NXN: variants seen among roughly 807,000 people sequenced by gnomAD.
NXN encodes the protein nucleoredoxin 1.
In NXN, 16 loss-of-function variants were observed where a neutral mutation model predicts 48.6. The observed-to-expected ratio is 0.33, with a 90% CI of 0.22 to 0.50. The LOEUF is 0.50. Ranked by LOEUF, NXN falls within the 20% of genes least tolerant of loss-of-function variation. NXN has a pLI of 0.98. For missense variants in NXN, 492 were observed against 605.5 expected (o/e 0.81, Z 1.97); for synonymous variants, 281 against 269.6 (o/e 1.04, Z -0.41).
intron 1 of NXN, among the ~76,000 whole-genome samples, chr17:848,145 G>GTTT (rs34184498): frequency 1.5e-4 from 23 of 148,466 alleles, no homozygotes; most frequent in African/African-American, 5.4e-4. Flanking sequence ...TTCCTGTTTT[G>GTTT]TTTTTTTTTT....
chr17:944,058 C>G (rs890951434), intron 1 of NXN, among the ~76,000 whole-genome samples: 2 of 151,604 alleles, frequency 1.3e-5, no homozygotes. Flanking sequence ...GCCAACATGA[C>G]GAAACCCCGT....
At chr17:924,208 A>G (rs924724872) in intron 1 of NXN, among the ~76,000 whole-genome samples, 1 of 149,562 alleles carries the variant, frequency 6.7e-6, no homozygotes, top group Non-Finnish European at 1.5e-5. Context: ...AAACCCGACT[A>G]ATTTTTTATT....
At position 820,744 on chromosome 17, in the gene NXN, A is replaced by C. The variant is rs1354082455; in HGVS notation, c.714-1199T>G. Among the ~76,000 whole-genome samples the C allele has an allele frequency of 3.2e-4, 23 of 71,200 alleles. 10 individuals are homozygous for C. The highest frequency in any genetic ancestry group is 1.8e-3 in the African/African-American group (21 of 11,376). 46.7% of individuals were successfully genotyped at this position (71,200 alleles called of 152,430 possible). Reference sequence around the variant, plus strand: ...TTCCAGACCAGCCTGGGCAACATGGAAAAACCGCATCTCTACTAAAAATAC... The same window carrying C: ...TTCCAGACCAGCCTGGGCAACATGGCAAAACCGCATCTCTACTAAAAATAC... On this transcript the variant is annotated intron_variant, in intron 4 of 7. Coordinates refer to ENST00000336868, the MANE Select transcript of NXN (RefSeq NM_022463.5).
intron 1 of NXN, among the ~76,000 whole-genome samples, chr17:973,671 AT>A (rs1332999740): frequency 6.6e-6 from 1 of 151,300 alleles, no homozygotes; most frequent in Non-Finnish European, 1.5e-5. Flanking sequence ...TTATGGGGCA[AT>A]TTTTTTTATT....
At chr17:812,448 C>A (rs1912120572) in intron 5 of NXN, among the ~76,000 whole-genome samples, 1 of 152,198 alleles carries the variant, frequency 6.6e-6, no homozygotes, top group Non-Finnish European at 1.5e-5. Flanking sequence ...TGAGATGGGA[C>A]TGAGACCCCA....
chr17:972,177 C>A (rs937126354), intron 1 of NXN, among the ~76,000 whole-genome samples: 2 of 152,120 alleles, frequency 1.3e-5, no homozygotes, highest in Non-Finnish European at 2.9e-5. Context: ...GCACATGCGC[C>A]TATAATCCCA....
chr17:829,280 C>T (rs1296602064), intron 1 of NXN, among the ~76,000 whole-genome samples: 1 of 151,698 alleles, frequency 6.6e-6, no homozygotes, highest in African/African-American at 2.4e-5. Flanking sequence ...CTCAGCCTCC[C>T]GAGTAGCTGG....
At chr17:826,903 A>G (rs907148489) in intron 1 of NXN, among the ~76,000 whole-genome samples, 2 of 152,236 alleles carry the variant, frequency 1.3e-5, no homozygotes, top group African/African-American at 4.8e-5. Flanking sequence ...CAAAATGTCA[A>G]TGCAAAGCCC....
chr17:948,658 C>T (rs1019871262), intron 1 of NXN, among the ~76,000 whole-genome samples: 3 of 152,010 alleles, frequency 2.0e-5, no homozygotes, highest in Non-Finnish European at 4.4e-5. Flanking sequence ...ACGGAACAAA[C>T]GCTTGAGGCA....
At chr17:848,312 G>T (rs1304742665) in intron 1 of NXN, among the ~76,000 whole-genome samples, 1 of 152,084 alleles carries the variant, frequency 6.6e-6, no homozygotes, top group Admixed American at 6.6e-5. Context: ...TAATTTCTTT[G>T]TATTTTTAGG....
At position 926,832 on chromosome 17, in the gene NXN, G is replaced by A. The variant is rs1241205530; in HGVS notation, c.360+52487C>T. On this transcript the variant is annotated intron_variant, in intron 1 of 7. Transcript: ENST00000336868. ...GCTGGGATTCCAGGCGTGAGCCAAC[G>A]TGTCTGGCCATCCCACACATCCCTG... 5.3e-5 allele frequency among the ~76,000 whole-genome samples: 8 copies of A among 152,058 alleles called. No homozygotes were observed. In the East Asian group the frequency reaches 5.8e-4, roughly 11 times the overall value.
intron 1 of NXN, among the ~76,000 whole-genome samples, chr17:937,559 A>G (rs1293640042): frequency 6.6e-6 from 1 of 152,164 alleles, no homozygotes; most frequent in Non-Finnish European, 1.5e-5. Flanking sequence ...CTCCGAGGCT[A>G]TTGCCGGTTC....
chr17:878,718 G>C (rs997368185), intron 1 of NXN, among the ~76,000 whole-genome samples: 1 of 152,108 alleles, frequency 6.6e-6, no homozygotes, highest in Non-Finnish European at 1.5e-5. Flanking sequence ...GCCCCAACCT[G>C]ATTGAACCCA....
intron 5 of NXN, among the ~76,000 whole-genome samples, chr17:810,131 T>G (rs1597615376): frequency 8.6e-6 from 1 of 116,166 alleles, no homozygotes; most frequent in African/African-American, 3.4e-5. Context: ...GTGAGTGGCG[T>G]GCACGTTACG....
intron 1 of NXN, among the ~76,000 whole-genome samples, chr17:873,493 C>CAAAAAAAAAAAAAAAAAAAAA (rs71145783): frequency 6.7e-5 from 5 of 74,996 alleles, no homozygotes; most frequent in African/African-American, 2.5e-4. Context: ...ACACTGTCTC[C>CAAAAAAAAAAAAAAAAAAAAA]AAAAAAAAAA....
rs1344659287 is a variant in NXN at position 849,486 on chromosome 17, T to G, written c.361-23408A>C. ...AGGCGGAGGTTGCAGTGAGCTGAGATCGCACCACTGCACTCCATCCTGGAC... is the reference window on the plus strand; with the variant it reads ...AGGCGGAGGTTGCAGTGAGCTGAGAGCGCACCACTGCACTCCATCCTGGAC... On this transcript the variant is annotated intron_variant, in intron 1 of 7. Coordinates refer to ENST00000336868, the MANE Select transcript of NXN (RefSeq NM_022463.5). The surrounding 1 kb of genome is among the most constrained non-coding windows in gnomAD (Gnocchi z 4.2). Among the ~76,000 whole-genome samples the G allele has an allele frequency of 1.3e-5, 2 of 151,598 alleles. No homozygotes were observed. The highest frequency in any genetic ancestry group is 2.9e-5 in the Non-Finnish European group (2 of 67,928).
At chr17:889,476 C>T (rs995510824) in intron 1 of NXN, among the ~76,000 whole-genome samples, 10 of 152,126 alleles carry the variant, frequency 6.6e-5, no homozygotes, top group African/African-American at 2.2e-4. Flanking sequence ...ACAGGTGGAT[C>T]GCCTGAGGTC....
chr17:811,776 G>A (rs985586733), intron 5 of NXN, among the ~76,000 whole-genome samples: 7 of 152,064 alleles, frequency 4.6e-5, no homozygotes, highest in Admixed American at 6.6e-5. Flanking sequence ...GCACAGCCTC[G>A]AGGCCCCGAC....
intron 1 of NXN, among the ~76,000 whole-genome samples, chr17:862,789 C>A (rs895338362): frequency 6.6e-6 from 1 of 152,188 alleles, no homozygotes; most frequent in East Asian, 1.9e-4. Flanking sequence ...AGGAGCTCTG[C>A]GGCATTCCTG....
Sources: allele counts gnomAD v4.1 joint callset (sites outside exome capture counted in the v4.1 genomes callset), GRCh38; gene constraint gnomAD v4.1.1; non-coding constraint Gnocchi (gnomAD v3.1); transcripts MANE v1.5; gene names NCBI Gene and HGNC (gene_info 2026-07-23, HGNC 2026-07-21).